CCDC102B: variants seen among roughly 807,000 people sequenced by gnomAD.
CCDC102B encodes coiled-coil domain containing 102B.
CCDC102B carries 75 observed loss-of-function variants against 57.4 expected under a neutral mutation model. The observed-to-expected ratio is 1.31, with a 90% CI of 1.08 to 1.58. CCDC102B has a LOEUF of 1.58. Ranked by LOEUF, CCDC102B falls within the 40% of genes most tolerant of loss-of-function variation. The pLI is 0.00. For synonymous variants in CCDC102B, 206 were observed against 201.9 expected (o/e 1.02, Z -0.17); for missense variants, 636 against 582.6 (o/e 1.09, Z -0.94).
At chr18:69,023,706 A>G (rs1184744803) in intron 7 of CCDC102B, among the ~76,000 whole-genome samples, 1 of 151,990 alleles carries the variant, frequency 6.6e-6, no homozygotes, top group East Asian at 1.9e-4. Context: ...TACCATACCA[A>G]TGCCACTGTT....
intron 2 of CCDC102B, among the ~76,000 whole-genome samples, chr18:68,751,507 G>T (rs1446156180): frequency 6.6e-6 from 1 of 152,070 alleles, no homozygotes; most frequent in Non-Finnish European, 1.5e-5. Flanking sequence ...CAAAACCAGA[G>T]CCCTGAATAG....
In CCDC102B at chr18:69,029,723, G is replaced by T. The variant is rs114422082; in HGVS notation, c.1434+18619G>T. ...CATTCTATTGACTCTGTATTGATAG[G>T]TTAAAAAGGGCAGGTAAAATTGTTT... On this transcript the variant is annotated intron_variant, in intron 7 of 7. Transcript: ENST00000360242. 6.2e-3 allele frequency among the ~76,000 whole-genome samples: 942 copies of T among 152,230 alleles called. 11 individuals are homozygous for T. The highest frequency in any genetic ancestry group is 0.022 in the African/African-American group (900 of 41,526).
At chr18:68,750,248 A>G (rs1051143084) in intron 2 of CCDC102B, among the ~76,000 whole-genome samples, 3 of 152,228 alleles carry the variant, frequency 2.0e-5, no homozygotes, top group Non-Finnish European at 4.4e-5. Flanking sequence ...ATGAGATACC[A>G]TCTCACACCA....
chr18:68,897,088 A>G, intron 5 of CCDC102B, 131 bp from the exon 6 acceptor site: 1 of 656,608 alleles, frequency 1.5e-6, no homozygotes, highest in Non-Finnish European at 2.6e-6. Context: ...AAACAAATAG[A>G]ATTTTCTTTT....
intron 2 of CCDC102B, among the ~76,000 whole-genome samples, chr18:68,792,348 C>G (rs12971079): frequency 6.6e-6 from 1 of 152,144 alleles, no homozygotes; most frequent in African/African-American, 2.4e-5. Flanking sequence ...TGCTCGGAGC[C>G]TAAGTAGTGG....
intron 2 of CCDC102B, among the ~76,000 whole-genome samples, chr18:68,749,588 G>T (rs2033765415): frequency 6.6e-6 from 1 of 152,028 alleles, no homozygotes; most frequent in Non-Finnish European, 1.5e-5. Flanking sequence ...GTCTGTTATT[G>T]GTGTATAAGA....
At chr18:69,026,540 C>T (rs1234742351) in intron 7 of CCDC102B, among the ~76,000 whole-genome samples, 2 of 151,412 alleles carry the variant, frequency 1.3e-5, no homozygotes, top group African/African-American at 4.9e-5. Flanking sequence ...CATAATACGG[C>T]ATTCAGAGGC....
intron 5 of CCDC102B, among the ~76,000 whole-genome samples, chr18:68,889,154 C>T (rs1449319422): frequency 1.3e-5 from 2 of 151,852 alleles, no homozygotes; most frequent in Non-Finnish European, 2.9e-5. Context: ...CCAAAATTCA[C>T]ATATTGAAAA....
At chr18:68,715,827 C>G (rs309247) in intron 1 of CCDC102B, among the ~76,000 whole-genome samples, 10,517 of 152,126 alleles carry the variant, frequency 0.069, 1,134 homozygotes, top group African/African-American at 0.23. Context: ...TACTTACGAA[C>G]TAGATGAAAT....
intron 1 of CCDC102B, among the ~76,000 whole-genome samples, chr18:68,820,454 A>T (rs1331408720): frequency 6.6e-6 from 1 of 152,030 alleles, no homozygotes; most frequent in Non-Finnish European, 1.5e-5. Context: ...TCTTGCTAAC[A>T]TTTCTATTAG....
chr18:68,956,468 T>TATATAC (rs71176919), intron 6 of CCDC102B, among the ~76,000 whole-genome samples: 56 of 49,568 alleles, frequency 1.1e-3, no homozygotes, highest in East Asian at 6.0e-3. Context: ...ATTTTATATA[T>TATATAC]ATATTATATA....
intron 1 of CCDC102B, among the ~76,000 whole-genome samples, chr18:68,810,680 G>GTTTTTTTTTTTTT (rs61714863): frequency 1.8e-4 from 14 of 77,048 alleles, no homozygotes; most frequent in African/African-American, 2.5e-4. Context: ...TCTTTTCTTT[G>GTTTTTTTTTTTTT]TTTTTTTTTT....
chr18:68,938,716 A>G (rs545192158), intron 6 of CCDC102B, among the ~76,000 whole-genome samples: 1 of 151,530 alleles, frequency 6.6e-6, no homozygotes, highest in East Asian at 1.9e-4. Context: ...TAAATATATT[A>G]TTTTAATTTA....
intron 1 of CCDC102B, among the ~76,000 whole-genome samples, chr18:68,822,131 C>T (rs1230592843): frequency 3.3e-5 from 5 of 152,094 alleles, no homozygotes; most frequent in African/African-American, 4.8e-5. Context: ...CATGGTGGCT[C>T]ACTCCTTTAA....
chr18:69,054,291 T>C lies in CCDC102B; in HGVS notation c.*154T>C. 1 of 1,314,372 alleles carries C rather than the reference T, an allele frequency of 7.6e-7. No homozygotes were observed. The highest frequency in any genetic ancestry group is 3.1e-5 in the East Asian group (1 of 32,478). The allele number at this position is 1,314,372 out of a possible 1,614,324, so 81.4% of individuals were successfully genotyped here. A position where few individuals can be genotyped will look rare whatever the true frequency, so the allele number is the denominator to read the frequency against. ...AATTAATGGGCTTCTTCACTTCTTC[T>C]AATTTTTGCCTAACAGATACTGCAT... On this transcript the variant is annotated 3_prime_UTR_variant, in exon 8 of 8. Transcript: ENST00000360242.
intron 4 of CCDC102B, among the ~76,000 whole-genome samples, chr18:68,848,180 A>G (rs1447876610): frequency 6.6e-6 from 1 of 151,934 alleles, no homozygotes; most frequent in Non-Finnish European, 1.5e-5. Context: ...GCACAAGTAT[A>G]AGAGTAAAAT....
At position 68,985,098 on chromosome 18, in the gene CCDC102B, C is replaced by T. The variant is rs143900964; in HGVS notation, c.1264-25836C>T. Among the ~76,000 whole-genome samples, 206 of 152,164 alleles carry T rather than the reference C, an allele frequency of 1.4e-3. 1 individual carries two copies. The highest frequency in any genetic ancestry group is 4.6e-3 in the African/African-American group (190 of 41,542). ...CTGAGAAGTCTACACAATTTGTATACCTGTAATCTCACATCTTGTTCACAA... is the reference window on the plus strand; with the variant it reads ...CTGAGAAGTCTACACAATTTGTATATCTGTAATCTCACATCTTGTTCACAA... On this transcript the variant is annotated intron_variant, in intron 6 of 7. Coordinates refer to ENST00000360242, the MANE Select transcript of CCDC102B (RefSeq NM_024781.3).
At chr18:68,845,495 G>A (rs965130739) in intron 3 of CCDC102B, among the ~76,000 whole-genome samples, 1 of 151,834 alleles carries the variant, frequency 6.6e-6, no homozygotes. Context: ...TCAAATCCTA[G>A]AATTGAGGAA....
chr18:68,979,478 T>TG (rs775889452), intron 6 of CCDC102B, among the ~76,000 whole-genome samples: 13 of 151,946 alleles, frequency 8.6e-5, no homozygotes, highest in Non-Finnish European at 1.8e-4. Flanking sequence ...CTGGTGCCCT[T>TG]TAGCTTAACT....
Sources: allele counts gnomAD v4.1 joint callset (sites outside exome capture counted in the v4.1 genomes callset), GRCh38; gene constraint gnomAD v4.1.1; transcripts MANE v1.5; gene names NCBI Gene and HGNC (gene_info 2026-07-23, HGNC 2026-07-21).